TRMT11: variants seen among roughly 807,000 people sequenced by gnomAD.
The protein encoded by TRMT11 is tRNA methyltransferase 11, also known as tRNA (guanine(10)-N(2))-methyltransferase TRMT11.
TRMT11 carries 53 observed loss-of-function variants against 62.8 expected under a neutral mutation model. The ratio of observed to expected loss-of-function variants is 0.84; its 90% CI spans 0.68 to 1.06. The LOEUF (loss-of-function observed/expected upper bound fraction) is 1.06. Ranked by LOEUF, TRMT11 falls within the 50% of genes least tolerant of loss-of-function variation. The pLI is 0.00. For synonymous variants in TRMT11, 188 were observed against 190.3 expected (o/e 0.99, Z 0.10); for missense variants, 556 against 553.4 (o/e 1.00, Z -0.05).
At chr6:126,269,511 A>G in the TRMT11 span, among the ~76,000 whole-genome samples, 4 of 152,190 alleles carry the variant, frequency 2.6e-5, no homozygotes, top group South Asian at 2.1e-4. Flanking sequence ...AAACAAAACT[A>G]CATACTGTAT....
rs572223828 is a variant in TRMT11, at chr6:125,987,692, T to C, written c.72+1070T>C. Among the ~76,000 whole-genome samples the C allele has an allele frequency of 6.8e-4, 103 of 152,248 alleles. No homozygotes were observed. In the South Asian group the frequency reaches 0.02, roughly 29 times the overall value. ...ATAGACTGGGAAAATATTTAGGCCA[T>C]ACAGTCATTAAGGCTGGATTGATTG... On this transcript the variant is annotated intron_variant, in intron 1 of 12. Coordinates refer to ENST00000334379, the MANE Select transcript of TRMT11 (RefSeq NM_001031712.3).
At position 126,078,398 on chromosome 6, in the gene TRMT11, G is replaced by T. The variant is rs1461859894; in HGVS notation, c.*1437+25208G>T. On this transcript the variant is annotated intron_variant and NMD_transcript_variant, in intron 17 of 22. Coordinates refer to the TRMT11 transcript ENST00000648977. ...CTGGTTTGCATTTTTTATTAGAAAG[G>T]TTTTTTTTTTTTTGAGTTGGACTCA... 2.0e-3 allele frequency among the ~76,000 whole-genome samples: 284 copies of T among 141,526 alleles called. 1 individual carries two copies. The highest frequency in any genetic ancestry group is 7.0e-3 in the African/African-American group (273 of 38,810). 92.8% of individuals were successfully genotyped at this position (141,526 alleles called of 152,430 possible).
chr6:126,085,598 G>T (rs887114315), intron 17 of TRMT11, among the ~76,000 whole-genome samples: 1 of 152,162 alleles, frequency 6.6e-6, no homozygotes, highest in Non-Finnish European at 1.5e-5. Flanking sequence ...GTGTCAGTAA[G>T]CTGCAATAGG....
chr6:126,258,517 C>T, the TRMT11 span, among the ~76,000 whole-genome samples: 3 of 152,224 alleles, frequency 2.0e-5, no homozygotes, highest in South Asian at 2.1e-4. Flanking sequence ...CAGGTCTGCC[C>T]TTGCTGCGCC....
intron 12 of TRMT11, among the ~76,000 whole-genome samples, chr6:126,024,878 T>C (rs1367269345): frequency 6.6e-6 from 1 of 152,196 alleles, no homozygotes; most frequent in Non-Finnish European, 1.5e-5. Flanking sequence ...CTCTTAGAAA[T>C]CATAGCATTT....
chr6:126,153,036 T>C (rs1022219257), intron 21 of TRMT11, among the ~76,000 whole-genome samples: 1 of 152,208 alleles, frequency 6.6e-6, no homozygotes, highest in African/African-American at 2.4e-5. Flanking sequence ...GCTAGATTAT[T>C]TTCACAATTC....
At chr6:126,140,275 G>C (rs1777902856) in intron 21 of TRMT11, among the ~76,000 whole-genome samples, 1 of 151,832 alleles carries the variant, frequency 6.6e-6, no homozygotes, top group Non-Finnish European at 1.5e-5. Context: ...TATCTGATTT[G>C]CTAATATGTA....
chr6:126,066,398 T>TGCCA (rs1329083459), intron 17 of TRMT11, among the ~76,000 whole-genome samples: 3 of 152,230 alleles, frequency 2.0e-5, no homozygotes, highest in Non-Finnish European at 4.4e-5. Flanking sequence ...AAGATCAGGA[T>TGCCA]GCCAGCATGG....
At chr6:126,249,210 G>T in the TRMT11 span, among the ~76,000 whole-genome samples, 1 of 152,016 alleles carries the variant, frequency 6.6e-6, no homozygotes, top group African/African-American at 2.4e-5. Flanking sequence ...TTGTCAAGGA[G>T]AAAAATAATT....
intron 17 of TRMT11, among the ~76,000 whole-genome samples, chr6:126,111,890 T>G (rs988258391): frequency 3.9e-5 from 6 of 152,154 alleles, no homozygotes; most frequent in African/African-American, 1.4e-4. Flanking sequence ...ATTGGGTATA[T>G]GATGCCTAAT....
chr6:126,240,293 TAG>T, the TRMT11 span, among the ~76,000 whole-genome samples: 1 of 152,232 alleles, frequency 6.6e-6, no homozygotes, highest in African/African-American at 2.4e-5. Context: ...CTTTGATTTT[TAG>T]AGTTTCCAGT....
intron 21 of TRMT11, among the ~76,000 whole-genome samples, chr6:126,144,020 G>T (rs1428972995): frequency 6.6e-6 from 1 of 152,160 alleles, no homozygotes; most frequent in Non-Finnish European, 1.5e-5. Context: ...ATGATCTTTT[G>T]GAAGTCACAT....
the TRMT11 span, among the ~76,000 whole-genome samples, chr6:126,236,880 A>G: frequency 1.3e-5 from 2 of 152,096 alleles, no homozygotes; most frequent in African/African-American, 4.8e-5. Flanking sequence ...ATCCCTCTAC[A>G]TGGTCTGCTG....
At chr6:126,008,538 A>G in intron 8 of TRMT11, 66 bp downstream of exon 8, 4 of 1,351,298 alleles carry the variant, frequency 3.0e-6, no homozygotes, top group Non-Finnish European at 4.2e-6. Context: ...TTAAACATAC[A>G]GTTGACCCTG....
At chr6:126,098,208 C>G (rs1249904336) in intron 17 of TRMT11, among the ~76,000 whole-genome samples, 2 of 152,106 alleles carry the variant, frequency 1.3e-5, no homozygotes. Flanking sequence ...CACCTCTGAT[C>G]TCCTGATGTG....
chr6:126,165,660 C>T (rs1434618880), intron 21 of TRMT11, among the ~76,000 whole-genome samples: 2 of 152,206 alleles, frequency 1.3e-5, no homozygotes, highest in Non-Finnish European at 2.9e-5. Flanking sequence ...TGCTGTTAGT[C>T]TGATGGGCTT....
At chr6:126,120,074 A>T (rs1315318865) in intron 21 of TRMT11, among the ~76,000 whole-genome samples, 1 of 151,962 alleles carries the variant, frequency 6.6e-6, no homozygotes, top group South Asian at 2.1e-4. Flanking sequence ...AGGAGTTCGA[A>T]ACCAGCCTGA....
intron 9 of TRMT11, 90 bp from the exon 10 acceptor site, chr6:126,012,681 G>A: frequency 3.6e-6 from 3 of 842,080 alleles, no homozygotes; most frequent in Non-Finnish European, 3.9e-6. Context: ...TCTTCTCAGG[G>A]TGTCACATTT....
rs1794160420 is a variant in TRMT11 at position 126,011,359 on chromosome 6, A to T, written c.867A>T (p.Ser289=). ...LEKYYLDVLV[S]DASKPSWRKG... is the part of the protein sequence containing the mutation. The stretch of plus-strand genomic sequence containing the variant: ...AGTATTACCTTGATGTCCTGGTTTC[A>T]GATGCATCTAAACCTTCCTGGAGGA... Residue 289 remains serine (S), a synonymous_variant, in exon 9 of 13, where the codon TCA becomes TCT. Transcript: ENST00000334379. 1 of 1,613,316 alleles carries T rather than the reference A, an allele frequency of 6.2e-7. No homozygotes were observed. Among genetic ancestry groups the T allele is most frequent in the African/African-American group, 1.3e-5 (1 of 74,914 alleles).
Sources: gnomAD v4.1 joint callset for allele counts (sites outside exome capture counted in the v4.1 genomes callset) on GRCh38, gnomAD v4.1.1 for gene constraint, MANE v1.5 for transcripts, NCBI Gene and HGNC (gene_info 2026-07-23, HGNC 2026-07-21) for gene names.